The following MYT1L variants were observed in gnomAD, a reference collection of about 807,000 sequenced individuals.
MYT1L encodes the protein myelin transcription factor 1-like protein.
MYT1L carries 12 observed loss-of-function variants against 126.7 expected under a neutral mutation model. The ratio of observed to expected loss-of-function variants is 0.09; its 90% CI spans 0.06 to 0.15. The LOEUF (loss-of-function observed/expected upper bound fraction) is 0.15. Among genes scored for constraint, MYT1L ranks in the 10% least tolerant of loss-of-function variants. The pLI is 1.00. For synonymous variants in MYT1L, 541 were observed against 604.2 expected, an observed-to-expected ratio of 0.90 and a Z score of 1.53; for missense variants, 979 against 1,585.2, an observed-to-expected ratio of 0.62 and a Z score of 6.49.
chr2:2,101,273 G>C (rs1031631644), intron 3 of MYT1L, among the ~76,000 whole-genome samples: 12 of 151,912 alleles, frequency 7.9e-5, no homozygotes, highest in African/African-American at 2.7e-4. Flanking sequence ...TAACTCTTAC[G>C]TGGTGAGGCA....
At chr2:2,162,361 G>A (rs1244660300) in intron 3 of MYT1L, among the ~76,000 whole-genome samples, 2 of 151,984 alleles carry the variant, frequency 1.3e-5, no homozygotes, top group African/African-American at 2.4e-5. Flanking sequence ...AAAAGGGATC[G>A]GGTAGTAATA....
At chr2:1,949,802 G>A (rs552293119) in intron 8 of MYT1L, among the ~76,000 whole-genome samples, 38 of 152,244 alleles carry the variant, frequency 2.5e-4, no homozygotes, top group African/African-American at 6.0e-4. Flanking sequence ...GGCTCGGAAC[G>A]TCAGGGTGAT....
intron 18 of MYT1L, among the ~76,000 whole-genome samples, chr2:1,873,433 C>T (rs940253703): frequency 7.9e-5 from 12 of 152,124 alleles, no homozygotes; most frequent in African/African-American, 2.7e-4. Flanking sequence ...CCAGCGCCTC[C>T]GAGGCTGTAC....
Position 1,887,672 on chromosome 2 carries a change from G to A in MYT1L, c.2521-63C>T. 6.2e-7 allele frequency: 1 copy of A among 1,608,724 alleles called. No homozygotes were observed. On this transcript the variant is annotated intron_variant, in intron 16 of 24. Transcript: ENST00000647738. The surrounding 1 kb of genome is among the most constrained non-coding windows in gnomAD (Gnocchi z 4.8). ...TCACATGGCACACAGACTGAGGGAG[G>A]TGGTTCGTGGCTCTGGGGTGGCCTC...
At chr2:2,008,942 C>T (rs1384774528) in intron 4 of MYT1L, among the ~76,000 whole-genome samples, 1 of 152,074 alleles carries the variant, frequency 6.6e-6, no homozygotes, top group Non-Finnish European at 1.5e-5. Flanking sequence ...AAGGGACTGT[C>T]CTTTCCCCAT....
At chr2:2,313,084 C>A (rs1559642401) in intron 1 of MYT1L, among the ~76,000 whole-genome samples, 1 of 152,234 alleles carries the variant, frequency 6.6e-6, no homozygotes, top group East Asian at 1.9e-4. Context: ...AATTTGTGTT[C>A]TTTTCAGAAT....
At chr2:2,165,114 C>T (rs1176205044) in intron 3 of MYT1L, among the ~76,000 whole-genome samples, 1 of 152,104 alleles carries the variant, frequency 6.6e-6, no homozygotes, top group African/African-American at 2.4e-5. Flanking sequence ...GTGGAGCTCA[C>T]GGGCCTCCCC....
Position 1,922,233 on chromosome 2 carries a change from T to C in MYT1L, c.1483+53A>G. The C allele has an allele frequency of 3.8e-6, 6 of 1,583,150 alleles. No individual in the cohort carries two copies. Among genetic ancestry groups the C allele is most frequent in the Admixed American group, 3.4e-5 (2 of 58,234 alleles). On this transcript the variant is annotated intron_variant, in intron 10 of 24. Coordinates refer to ENST00000647738, the MANE Select transcript of MYT1L (RefSeq NM_001303052.2). This position sits in a 1 kb window ranked among gnomAD's most constrained non-coding sequence, Gnocchi z 7.4. ...TAACTGTAGACTACCACCAACATCC[T>C]TTACCCTAGCTCATGTTTTCATGAG... is the stretch of plus-strand genomic sequence containing the variant.
intron 19 of MYT1L, among the ~76,000 whole-genome samples, chr2:1,846,199 G>A (rs2042476558): frequency 6.6e-6 from 1 of 152,182 alleles, no homozygotes; most frequent in African/African-American, 2.4e-5. Flanking sequence ...AGTGCGCCAG[G>A]CTGGTTAGCT....
At chr2:1,934,932 G>T (rs1183056282) in intron 9 of MYT1L, among the ~76,000 whole-genome samples, 1 of 152,138 alleles carries the variant, frequency 6.6e-6, no homozygotes, top group African/African-American at 2.4e-5. Context: ...GACACAGGTG[G>T]CTGCTCACAT....
intron 8 of MYT1L, among the ~76,000 whole-genome samples, chr2:1,948,054 C>G (rs2057399419): frequency 6.6e-6 from 1 of 152,352 alleles, no homozygotes; most frequent in East Asian, 1.9e-4. Flanking sequence ...TTCCTTTACT[C>G]TCTAAAGCTT....
chr2:1,988,529 G>A (rs73190446), intron 5 of MYT1L, among the ~76,000 whole-genome samples: 8,046 of 152,290 alleles, frequency 0.053, 391 homozygotes, highest in African/African-American at 0.12. Context: ...TGCACCGTGC[G>A]GGGCAGCAGC....
At chr2:2,212,030 T>C (rs1318252330) in intron 2 of MYT1L, among the ~76,000 whole-genome samples, 1 of 152,128 alleles carries the variant, frequency 6.6e-6, no homozygotes, top group African/African-American at 2.4e-5. Flanking sequence ...AGGGTTCCAA[T>C]GTCAAGCCTC....
intron 2 of MYT1L, among the ~76,000 whole-genome samples, chr2:2,220,402 G>A (rs2093823970): frequency 6.6e-6 from 1 of 152,102 alleles, no homozygotes; most frequent in Non-Finnish European, 1.5e-5. Context: ...CTGAAGACCT[G>A]GGATCAATAG....
At chr2:2,189,500 C>G (rs1227348041) in intron 2 of MYT1L, among the ~76,000 whole-genome samples, 1 of 152,164 alleles carries the variant, frequency 6.6e-6, no homozygotes, top group Non-Finnish European at 1.5e-5. Flanking sequence ...CAATGACGCT[C>G]TTTCAATAAA....
chr2:2,076,677 C>CA (rs1369843854), intron 3 of MYT1L, among the ~76,000 whole-genome samples: 2 of 152,016 alleles, frequency 1.3e-5, no homozygotes, highest in Non-Finnish European at 2.9e-5. Context: ...CTAGTAGCAA[C>CA]AAAAATCTAG....
chr2:1,961,736 G>A (rs2058975805), intron 8 of MYT1L, among the ~76,000 whole-genome samples: 1 of 152,350 alleles, frequency 6.6e-6, no homozygotes, highest in Admixed American at 6.5e-5. Context: ...GTACAGGCAG[G>A]CCTCGGAGAC....
At chr2:1,890,490 C>T (rs927435510) in intron 15 of MYT1L, among the ~76,000 whole-genome samples, 8 of 151,960 alleles carry the variant, frequency 5.3e-5, no homozygotes, top group African/African-American at 1.9e-4. Context: ...TTCAGCAAAC[C>T]TGCAATTTAG....
rs193079035 is a variant in MYT1L, at chr2:1,937,517, C to T, written c.505+5465G>A. On this transcript the variant is annotated intron_variant, in intron 9 of 24. Transcript: ENST00000647738. The stretch of plus-strand genomic sequence containing the variant: ...CGTCCGCGGCCATCAGATTGCACAT[C>T]GAGAAGGCCCTAATGTCCGCAGCCA... Among the ~76,000 whole-genome samples the T allele has an allele frequency of 1.2e-3, 184 of 148,576 alleles. 1 individual carries two copies. Among genetic ancestry groups the T allele is most frequent in the Middle Eastern group, 7.0e-3 (2 of 286 alleles).
Sources: allele counts gnomAD v4.1 joint callset (sites outside exome capture counted in the v4.1 genomes callset), GRCh38; gene constraint gnomAD v4.1.1; non-coding constraint Gnocchi (gnomAD v3.1); transcripts MANE v1.5; gene names NCBI Gene and HGNC (gene_info 2026-07-23, HGNC 2026-07-21).